CRACR2A: variants seen among roughly 807,000 people sequenced by gnomAD.
CRACR2A encodes EF-hand calcium-binding domain-containing protein 4B.
CRACR2A carries 79 observed loss-of-function variants against 90.5 expected under a neutral mutation model. The ratio of observed to expected loss-of-function variants is 0.87; its 90% CI spans 0.73 to 1.05. The LOEUF (loss-of-function observed/expected upper bound fraction) is 1.05. Ranked by LOEUF, CRACR2A falls within the 50% of genes least tolerant of loss-of-function variation. The pLI is 0.00. For synonymous variants in CRACR2A, 338 were observed against 356.7 expected, an observed-to-expected ratio of 0.95 and a Z score of 0.59; for missense variants, 823 against 897.2, an observed-to-expected ratio of 0.92 and a Z score of 1.06.
chr12:3,681,471 G>A (rs1022427301), intron 4 of CRACR2A, among the ~76,000 whole-genome samples: 1 of 152,330 alleles, frequency 6.6e-6, no homozygotes, highest in East Asian at 1.9e-4. Flanking sequence ...CTCCCTTCTG[G>A]CCTTCTGCCC....
rs751004818 is a variant in CRACR2A at position 3,633,581 on chromosome 12, C to A, written c.1735+23G>T. 2.6e-6 allele frequency: 4 copies of A among 1,551,608 alleles called. No homozygotes were observed. Among genetic ancestry groups the A allele is most frequent in the Middle Eastern group, 1.7e-4 (1 of 5,992 alleles). On this transcript the variant is annotated intron_variant, in intron 15 of 19. Transcript: ENST00000440314. The surrounding 1 kb of genome is among the most constrained non-coding windows in gnomAD (Gnocchi z 4.5). Reference sequence around the variant, plus strand: ...CCCTTCCCAAAGATGGGCCTAGGACCCACCTCAGGGATGAGAACTCACCCA... The same window carrying A: ...CCCTTCCCAAAGATGGGCCTAGGACACACCTCAGGGATGAGAACTCACCCA...
intron 4 of CRACR2A, among the ~76,000 whole-genome samples, chr12:3,689,066 T>C (rs1945611353): frequency 6.6e-6 from 1 of 152,238 alleles, no homozygotes; most frequent in Non-Finnish European, 1.5e-5. Flanking sequence ...TTGTTGAAGT[T>C]GTTTATCAGC....
intron 1 of CRACR2A, among the ~76,000 whole-genome samples, chr12:3,741,615 G>A (rs1350032916): frequency 6.6e-6 from 1 of 151,818 alleles, no homozygotes; most frequent in Non-Finnish European, 1.5e-5. Context: ...AGAGCAAGTG[G>A]TGAAGCTGAA....
At chr12:3,694,098 C>T (rs557822152) in intron 4 of CRACR2A, among the ~76,000 whole-genome samples, 1 of 152,278 alleles carries the variant, frequency 6.6e-6, no homozygotes, top group African/African-American at 2.4e-5. Flanking sequence ...CCAGCTTCCT[C>T]CCCTTTCAGC....
At chr12:3,698,073 G>A (rs1945773273) in intron 3 of CRACR2A, among the ~76,000 whole-genome samples, 1 of 152,140 alleles carries the variant, frequency 6.6e-6, no homozygotes. Flanking sequence ...CTAGTTCTGA[G>A]CATCTGTAAG....
chr12:3,688,328 C>A (rs905304229), intron 4 of CRACR2A, among the ~76,000 whole-genome samples: 2 of 152,182 alleles, frequency 1.3e-5, no homozygotes, highest in Non-Finnish European at 2.9e-5. Context: ...TTGGGCTTTA[C>A]ATTTAAGTCT....
intron 2 of CRACR2A, among the ~76,000 whole-genome samples, chr12:3,717,482 C>T (rs1946099020): frequency 6.6e-6 from 1 of 152,174 alleles, no homozygotes; most frequent in Non-Finnish European, 1.5e-5. Flanking sequence ...ATGTTCTCAG[C>T]TGCCACTTGA....
intron 1 of CRACR2A, among the ~76,000 whole-genome samples, chr12:3,743,673 G>T (rs1379149586): frequency 6.6e-6 from 1 of 152,202 alleles, no homozygotes; most frequent in Non-Finnish European, 1.5e-5. Context: ...ATCAGAAAAT[G>T]CCTGGCACAT....
At chr12:3,700,502 C>T (rs1193405948) in intron 3 of CRACR2A, among the ~76,000 whole-genome samples, 1 of 152,100 alleles carries the variant, frequency 6.6e-6, no homozygotes. Flanking sequence ...AAGACACAAA[C>T]TGTTAAAAGT....
intron 2 of CRACR2A, chr12:3,726,188 T>A (rs1946260209): frequency 6.6e-6 from 1 of 150,948 alleles, no homozygotes; most frequent in African/African-American, 2.4e-5. Context: ...ATACATACTA[T>A]ATGTATATTT....
At chr12:3,694,578 C>T (rs932259704) in intron 4 of CRACR2A, among the ~76,000 whole-genome samples, 4 of 152,194 alleles carry the variant, frequency 2.6e-5, no homozygotes, top group Non-Finnish European at 5.9e-5. Flanking sequence ...AAGCCAACAA[C>T]ACAGATGCCT....
chr12:3,688,455 C>T (rs1945601963), intron 4 of CRACR2A, among the ~76,000 whole-genome samples: 1 of 152,150 alleles, frequency 6.6e-6, no homozygotes, highest in Non-Finnish European at 1.5e-5. Context: ...AGTCCTTTCC[C>T]CATTGCTTGT....
intron 3 of CRACR2A, among the ~76,000 whole-genome samples, chr12:3,705,793 G>A (rs1459861052): frequency 5.3e-5 from 8 of 152,130 alleles, no homozygotes; most frequent in Non-Finnish European, 1.0e-4. Context: ...GGATAATGTC[G>A]GAATTGAATT....
chr12:3,660,565 C>T (rs1945011282), intron 7 of CRACR2A, among the ~76,000 whole-genome samples: 1 of 152,096 alleles, frequency 6.6e-6, no homozygotes, highest in South Asian at 2.1e-4. Flanking sequence ...TGCTTCCCCC[C>T]TCTCCCCATG....
At chr12:3,695,671 A>G (rs1945727924) in intron 4 of CRACR2A, among the ~76,000 whole-genome samples, 1 of 152,200 alleles carries the variant, frequency 6.6e-6, no homozygotes, top group South Asian at 2.1e-4. Context: ...CTGAAAAACT[A>G]GACTTAAAGA....
intron 19 of CRACR2A, among the ~76,000 whole-genome samples, chr12:3,616,444 T>C (rs955681731): frequency 6.6e-6 from 1 of 152,224 alleles, no homozygotes; most frequent in Non-Finnish European, 1.5e-5. Context: ...AACCAGTCTT[T>C]TCATGCTACC....
rs559988311 is a variant in CRACR2A at position 3,722,500 on chromosome 12, G to A, written c.-117-9183C>T. 7.9e-5 allele frequency among the ~76,000 whole-genome samples: 12 copies of A among 152,302 alleles called. No homozygotes were observed. The South Asian group carries it at 2.5e-3, about 32-fold the overall frequency. On this transcript the variant is annotated intron_variant, in intron 2 of 19. Transcript: ENST00000440314. ...TGAGAGGCCGTGGGGACCTGGAATG[G>A]CACAGCCACTCGAGAACGAAGTGTG...
At chr12:3,697,461 A>T (rs1221688489) in intron 3 of CRACR2A, among the ~76,000 whole-genome samples, 1 of 152,168 alleles carries the variant, frequency 6.6e-6, no homozygotes, top group Non-Finnish European at 1.5e-5. Context: ...CATAGCCATT[A>T]TCATCTTCAT....
chr12:3,655,058 C>T (rs527265890), intron 9 of CRACR2A, among the ~76,000 whole-genome samples: 1 of 152,172 alleles, frequency 6.6e-6, no homozygotes, highest in East Asian at 1.9e-4. Flanking sequence ...GCAGAGCTTC[C>T]AATCCTCTCA....
Sources: allele counts gnomAD v4.1 joint callset (sites outside exome capture counted in the v4.1 genomes callset), GRCh38; gene constraint gnomAD v4.1.1; non-coding constraint Gnocchi (gnomAD v3.1); transcripts MANE v1.5; gene names NCBI Gene and HGNC (gene_info 2026-07-23, HGNC 2026-07-21).